Variants in RIT2 observed in about 807,000 individuals in gnomAD.
The protein encoded by RIT2 is GTP-binding protein Rit2.
Under a neutral mutation model 23.7 loss-of-function variants are expected in RIT2, and 24 were observed. The ratio of observed to expected loss-of-function variants is 1.01; its 90% CI spans 0.73 to 1.43. The LOEUF is 1.43. Ranked by LOEUF, RIT2 falls within the 40% of genes most tolerant of loss-of-function variation. The pLI is 0.00. For synonymous variants in RIT2, 107 were observed against 91.1 expected, an observed-to-expected ratio of 1.17 and a Z score of -0.99; for missense variants, 236 against 266.9, an observed-to-expected ratio of 0.88 and a Z score of 0.81.
intron 2 of RIT2, among the ~76,000 whole-genome samples, chr18:42,974,542 C>G (rs1265836079): frequency 1.3e-5 from 2 of 151,968 alleles, no homozygotes; most frequent in African/African-American, 4.8e-5. Context: ...TCTCACCTCC[C>G]TTATTTAACA....
intron 4 of RIT2, among the ~76,000 whole-genome samples, chr18:42,804,482 G>A (rs994655666): frequency 6.7e-6 from 1 of 149,626 alleles, no homozygotes; most frequent in African/African-American, 2.5e-5. Flanking sequence ...TTGAACCCAG[G>A]AGGCGGAGAT....
intron 4 of RIT2, among the ~76,000 whole-genome samples, chr18:42,822,518 G>T (rs961571528): frequency 1.3e-5 from 2 of 152,016 alleles, no homozygotes; most frequent in Non-Finnish European, 2.9e-5. Context: ...CCAATACATT[G>T]TTGTACAATA....
chr18:43,052,699 T>G (rs1022951508), intron 1 of RIT2, among the ~76,000 whole-genome samples: 2 of 152,126 alleles, frequency 1.3e-5, no homozygotes, highest in Non-Finnish European at 2.9e-5. Flanking sequence ...CTCATAACAT[T>G]TAGCTCAGTT....
intron 4 of RIT2, among the ~76,000 whole-genome samples, chr18:42,761,504 T>C (rs1913302026): frequency 6.6e-6 from 1 of 152,162 alleles, no homozygotes; most frequent in South Asian, 2.1e-4. Context: ...AATAATCAAA[T>C]TGACTTGAAA....
At chr18:43,071,525 C>A (rs959945396) in intron 1 of RIT2, among the ~76,000 whole-genome samples, 11 of 152,104 alleles carry the variant, frequency 7.2e-5, no homozygotes, top group African/African-American at 2.7e-4. Context: ...TACTGGAGTA[C>A]CATTAGCAGT....
intron 3 of RIT2, among the ~76,000 whole-genome samples, chr18:42,973,709 G>A (rs186720525): frequency 6.6e-6 from 1 of 151,820 alleles, no homozygotes; most frequent in East Asian, 1.9e-4. Flanking sequence ...TTAGTTCCAT[G>A]AGCAGATTTG....
At chr18:43,013,414 C>A (rs1257869985) in intron 2 of RIT2, among the ~76,000 whole-genome samples, 1 of 151,880 alleles carries the variant, frequency 6.6e-6, no homozygotes, top group East Asian at 2.0e-4. Context: ...CTGAGAATTA[C>A]TGCTCCTGCA....
intron 1 of RIT2, among the ~76,000 whole-genome samples, chr18:43,042,464 C>T (rs1912150542): frequency 6.6e-6 from 1 of 152,152 alleles, no homozygotes; most frequent in African/African-American, 2.4e-5. Flanking sequence ...CAAGGAGAGT[C>T]TTTGTTGGTG....
At chr18:42,982,924 C>G (rs1009124747) in intron 2 of RIT2, among the ~76,000 whole-genome samples, 1 of 151,862 alleles carries the variant, frequency 6.6e-6, no homozygotes, top group South Asian at 2.1e-4. Flanking sequence ...CATGATTTAA[C>G]AAAATTCTTG....
intron 1 of RIT2, among the ~76,000 whole-genome samples, chr18:43,114,723 T>A (rs985562430): frequency 2.0e-5 from 3 of 152,162 alleles, no homozygotes; most frequent in Admixed American, 2.0e-4. Context: ...CAACTGACAC[T>A]TCCGTTCTTT....
intron 2 of RIT2, among the ~76,000 whole-genome samples, chr18:43,026,573 T>TAAGAAAGAAAGAAAGAAAGAAATAAAGA (rs1911724679): frequency 1.3e-5 from 1 of 77,360 alleles, no homozygotes; most frequent in Non-Finnish European, 2.8e-5. Flanking sequence ...AAGAAATAAA[T>TAAGAAAGAAAGAAAGAAAGAAATAAAGA]AAGAAAGAAA....
chr18:43,044,353 T>C (rs748697275), intron 1 of RIT2, among the ~76,000 whole-genome samples: 1 of 152,194 alleles, frequency 6.6e-6, no homozygotes, highest in Non-Finnish European at 1.5e-5. Flanking sequence ...CTAGGAATAA[T>C]ACAGGTTCTA....
chr18:43,039,349 C>CT (rs1251475840), intron 1 of RIT2, among the ~76,000 whole-genome samples: 6,534 of 133,174 alleles, frequency 0.049, 197 homozygotes, highest in South Asian at 0.12. Flanking sequence ...TTTTTCTTTT[C>CT]TTTTTTTTTT....
At chr18:42,922,515 T>A (rs1188528658) in intron 4 of RIT2, among the ~76,000 whole-genome samples, 1 of 152,184 alleles carries the variant, frequency 6.6e-6, no homozygotes, top group Non-Finnish European at 1.5e-5. Context: ...TTGATTTGCA[T>A]GACACTTCTC....
intron 2 of RIT2, among the ~76,000 whole-genome samples, chr18:43,028,947 C>T (rs1012249623): frequency 2.0e-5 from 3 of 152,082 alleles, no homozygotes; most frequent in Admixed American, 1.3e-4. Context: ...GAAGTATTCT[C>T]AATACAAGAG....
intron 4 of RIT2, among the ~76,000 whole-genome samples, chr18:42,893,135 G>A (rs1673796474): frequency 6.6e-6 from 1 of 151,230 alleles, no homozygotes; most frequent in African/African-American, 2.4e-5. Flanking sequence ...GGCTGAGGCA[G>A]GAGAATCGCT....
At chr18:42,917,889 C>T (rs1337159438) in intron 4 of RIT2, among the ~76,000 whole-genome samples, 1 of 151,218 alleles carries the variant, frequency 6.6e-6, no homozygotes, top group Non-Finnish European at 1.5e-5. Flanking sequence ...ATCTTGACCA[C>T]CCTAGAGAAA....
Position 43,080,132 on chromosome 18 carries a change from G to C in RIT2, c.103+35285C>G, listed in dbSNP as rs954918775. On this transcript the variant is annotated intron_variant, in intron 1 of 4. Transcript: ENST00000326695. ...GTAACTAAGACCTCTGGGTCTAATA[G>C]ACTTTCAGGCCACCAATCTATATTC... is the stretch of plus-strand genomic sequence containing the variant. Among the ~76,000 whole-genome samples, 8 of 152,136 alleles carry C rather than the reference G, an allele frequency of 5.3e-5. No individual in the cohort carries two copies. In the East Asian group the frequency reaches 1.5e-3, roughly 29 times the overall value.
intron 4 of RIT2, among the ~76,000 whole-genome samples, chr18:42,865,418 A>G (rs1907444333): frequency 6.6e-6 from 1 of 152,220 alleles, no homozygotes; most frequent in Non-Finnish European, 1.5e-5. Context: ...CACATGGTAT[A>G]TTATGGCATC....
Sources: allele counts gnomAD v4.1 joint callset (sites outside exome capture counted in the v4.1 genomes callset), GRCh38; gene constraint gnomAD v4.1.1; transcripts MANE v1.5; gene names NCBI Gene and HGNC (gene_info 2026-07-23, HGNC 2026-07-21).